OVOL2: variants seen among roughly 807,000 people sequenced by gnomAD.
OVOL2 encodes the protein ovo like zinc finger 2, also known as transcription factor Ovo-like 2.
A neutral mutation model predicts 18.1 loss-of-function variants in OVOL2; 13 were observed. The observed-to-expected ratio is 0.72, with a 90% CI of 0.47 to 1.14. OVOL2 has a LOEUF of 1.14. Among genes scored for constraint, OVOL2 ranks in the 50% most tolerant of loss-of-function variants. The pLI, the probability that OVOL2 is intolerant of heterozygous loss-of-function variation, is 0.00. For missense variants in OVOL2, 335 were observed against 383.0 expected, an observed-to-expected ratio of 0.87 and a Z score of 1.05; for synonymous variants, 166 against 162.7, an observed-to-expected ratio of 1.02 and a Z score of -0.16.
Position 18,056,638 on chromosome 20 carries a change from G to T in OVOL2, c.321+19C>A, listed in dbSNP as rs2036828732. On this transcript the variant is annotated intron_variant, in intron 2 of 3. Transcript: ENST00000278780. The surrounding 1 kb of genome is among the most constrained non-coding windows in gnomAD (Gnocchi z 4.2). ...AGGGCGTGGTGCAGGTGGCGGCGGG[G>T]GCAGAGTCGACACAGTACCTTGATT... 1.4e-6 allele frequency: 2 copies of T among 1,391,704 alleles called. No individual in the cohort carries two copies. The highest frequency in any genetic ancestry group is 7.4e-5 in the Admixed American group (2 of 26,870). 86.2% of individuals were successfully genotyped at this position (1,391,704 alleles called of 1,614,324 possible). A position where few individuals can be genotyped will look rare whatever the true frequency, so the allele number is the denominator to read the frequency against.
chr20:18,051,910 A>AT (rs962388839), intron 2 of OVOL2, among the ~76,000 whole-genome samples: 5 of 150,934 alleles, frequency 3.3e-5, no homozygotes, highest in South Asian at 2.1e-4. Context: ...TTTTTTTTGT[A>AT]TTTTTTTTTA....
intron 3 of OVOL2, among the ~76,000 whole-genome samples, chr20:18,039,619 A>AAAAG (rs1317102674): frequency 1.8e-4 from 24 of 136,550 alleles, no homozygotes; most frequent in South Asian, 7.1e-4. Flanking sequence ...AAAAAAAAAA[A>AAAAG]AAAGAAAGAA....
chr20:18,024,981 C>A (rs777416220), intron 3 of OVOL2, 29 bp from the exon 4 acceptor site: 3 of 1,588,784 alleles, frequency 1.9e-6, no homozygotes, highest in South Asian at 1.1e-5. Flanking sequence ...GACACAGCAT[C>A]GGTTGGTCAT....
chr20:18,052,490 G>T (rs1319670307), intron 2 of OVOL2, among the ~76,000 whole-genome samples: 2 of 152,158 alleles, frequency 1.3e-5, no homozygotes, highest in East Asian at 1.9e-4. Context: ...ATCATGCATG[G>T]GGCAAGGGGT....
chr20:18,051,014 T>C (rs2036767028), intron 2 of OVOL2, among the ~76,000 whole-genome samples: 1 of 152,132 alleles, frequency 6.6e-6, no homozygotes, highest in South Asian at 2.1e-4. Flanking sequence ...TATATTCCCT[T>C]CCAAATATCA....
chr20:18,036,415 G>A lies in OVOL2; in HGVS notation c.511+5119C>T, dbSNP rs546406844. 7.2e-5 allele frequency among the ~76,000 whole-genome samples: 11 copies of A among 152,204 alleles called. No homozygotes were observed. In the South Asian group the frequency reaches 1.5e-3, roughly 20 times the overall value. On this transcript the variant is annotated intron_variant, in intron 3 of 3. Coordinates refer to ENST00000278780, the MANE Select transcript of OVOL2 (RefSeq NM_021220.4). The stretch of plus-strand genomic sequence containing the variant: ...CAATCTGGACCAGCCCCTCCTCTGA[G>A]ACTCAGGAGCCACACACAGCCAGTG...
At chr20:18,040,480 G>A (rs2036658455) in intron 3 of OVOL2, among the ~76,000 whole-genome samples, 1 of 152,122 alleles carries the variant, frequency 6.6e-6, no homozygotes, top group Non-Finnish European at 1.5e-5. Context: ...GAGATGAGGA[G>A]TCTGGATTTC....
At chr20:18,052,571 A>G (rs1046834820) in intron 2 of OVOL2, among the ~76,000 whole-genome samples, 2 of 152,152 alleles carry the variant, frequency 1.3e-5, no homozygotes, top group Non-Finnish European at 2.9e-5. Context: ...ACGTATGACT[A>G]TGCCTTTGAG....
rs1315914561 is a variant in OVOL2 at position 18,040,645 on chromosome 20, G to A, written c.511+889C>T. 3.9e-5 allele frequency among the ~76,000 whole-genome samples: 6 copies of A among 152,162 alleles called. No homozygotes were observed. In the East Asian group the frequency reaches 9.6e-4, roughly 24 times the overall value. On this transcript the variant is annotated intron_variant, in intron 3 of 3. Transcript: ENST00000278780. ...GATAGAAGCAGTGAGGCCGAGACAA[G>A]AGGCCAAGGGCACCCCCAGGACTCT...
chr20:18,047,941 T>C (rs2036739051), intron 2 of OVOL2, among the ~76,000 whole-genome samples: 1 of 151,918 alleles, frequency 6.6e-6, no homozygotes, highest in Admixed American at 6.6e-5. Flanking sequence ...CCTATTATAG[T>C]TAGACCAACT....
chr20:18,041,065 G>A (rs536944984), intron 3 of OVOL2, among the ~76,000 whole-genome samples: 19 of 152,340 alleles, frequency 1.2e-4, no homozygotes, highest in African/African-American at 4.6e-4. Context: ...GCTACCAAAG[G>A]TGGCTCACCT....
intron 2 of OVOL2, among the ~76,000 whole-genome samples, chr20:18,050,941 A>T (rs899229555): frequency 6.6e-6 from 1 of 152,172 alleles, no homozygotes; most frequent in Admixed American, 6.5e-5. Flanking sequence ...GAGCAGGGGG[A>T]GGAGTATTCA....
In OVOL2 at chr20:18,057,815, C is replaced by T. The variant is rs867130910; in HGVS notation, c.-181G>A. On this transcript the variant is annotated 5_prime_UTR_variant, in exon 1 of 4. Coordinates refer to ENST00000278780, the MANE Select transcript of OVOL2 (RefSeq NM_021220.4). The surrounding 1 kb of genome is among the most constrained non-coding windows in gnomAD (Gnocchi z 6.3). The stretch of plus-strand genomic sequence containing the variant: ...CCTCTCCCCCGCACGCCTGGCGACT[C>T]CCAGCCTCCCGGCTCGGCGACACCT... 33 of 1,365,764 alleles carry T rather than the reference C, an allele frequency of 2.4e-5. No individual in the cohort carries two copies. The highest frequency in any genetic ancestry group is 2.9e-5 in the Non-Finnish European group (31 of 1,066,670). The allele number at this position is 1,365,764 out of a possible 1,614,324, so 84.6% of individuals were successfully genotyped here.
chr20:18,025,743 C>CA (rs1837998455), intron 3 of OVOL2, among the ~76,000 whole-genome samples: 1 of 152,234 alleles, frequency 6.6e-6, no homozygotes, highest in Admixed American at 6.5e-5. Context: ...GGTGGACAAC[C>CA]AGGGTCCAGT....
At chr20:18,054,614 T>C (rs1213174915) in intron 2 of OVOL2, among the ~76,000 whole-genome samples, 1 of 151,586 alleles carries the variant, frequency 6.6e-6, no homozygotes, top group Non-Finnish European at 1.5e-5. Flanking sequence ...TGGTGGCGTA[T>C]GCCTGTAATC....
At chr20:18,058,871 G>A (rs1282335042), upstream of OVOL2, 1 of 152,448 alleles carries the variant, frequency 6.6e-6, no homozygotes, top group Non-Finnish European at 1.5e-5. Context: ...TGCCAAGTTT[G>A]TAAAGCAGTT....
chr20:18,051,983 GC>G (rs1378863706), intron 2 of OVOL2, among the ~76,000 whole-genome samples: 1 of 151,974 alleles, frequency 6.6e-6, no homozygotes, highest in East Asian at 1.9e-4. Flanking sequence ...CAGGTGATCC[GC>G]CCGCCTCGGC....
intron 2 of OVOL2, among the ~76,000 whole-genome samples, chr20:18,046,555 A>G (rs1180933232): frequency 6.6e-6 from 1 of 152,200 alleles, no homozygotes; most frequent in Non-Finnish European, 1.5e-5. Context: ...CATTTCATCT[A>G]TTAAATTTGG....
At chr20:18,042,202 C>T (rs916591332) in intron 2 of OVOL2, among the ~76,000 whole-genome samples, 12 of 151,992 alleles carry the variant, frequency 7.9e-5, no homozygotes, top group African/African-American at 2.9e-4. Flanking sequence ...CATGAGCCAC[C>T]GCACCCAGCC....
Sources: gnomAD v4.1 joint callset for allele counts (sites outside exome capture counted in the v4.1 genomes callset) on GRCh38, gnomAD v4.1.1 for gene constraint, Gnocchi (gnomAD v3.1) non-coding constraint, MANE v1.5 for transcripts, NCBI Gene and HGNC (gene_info 2026-07-23, HGNC 2026-07-21) for gene names.